Variants in SENP7 observed in about 807,000 individuals in gnomAD.
SENP7 encodes sentrin-specific protease 7.
Under a neutral mutation model 141.2 loss-of-function variants are expected in SENP7, and 64 were observed. The ratio of observed to expected loss-of-function variants is 0.45; its 90% CI spans 0.37 to 0.56. The LOEUF is 0.56. Ranked by LOEUF, SENP7 falls within the 20% of genes least tolerant of loss-of-function variation. The pLI, the probability that SENP7 is intolerant of heterozygous loss-of-function variation, is 0.00. For synonymous variants in SENP7, 382 were observed against 426.4 expected (o/e 0.90, Z 1.28); for missense variants, 1,025 against 1,212.2 (o/e 0.85, Z 2.29).
intron 4 of SENP7, among the ~76,000 whole-genome samples, chr3:101,433,132 T>C (rs1553728421): frequency 1.3e-5 from 2 of 152,114 alleles, no homozygotes; most frequent in Non-Finnish European, 2.9e-5. Context: ...AGTTAAGGCA[T>C]AGAGTTTTTA....
chr3:101,431,169 G>A (rs1394717571), intron 4 of SENP7, among the ~76,000 whole-genome samples: 1 of 152,206 alleles, frequency 6.6e-6, no homozygotes, highest in African/African-American at 2.4e-5. Flanking sequence ...GATTTGGGGT[G>A]AAGAGTTCTT....
chr3:101,474,257 A>G (rs1307810787), intron 3 of SENP7, among the ~76,000 whole-genome samples: 1 of 152,244 alleles, frequency 6.6e-6, no homozygotes, highest in African/African-American at 2.4e-5. Flanking sequence ...TAAGAATAGC[A>G]TTAAATCTAT....
chr3:101,489,168 C>T (rs1163571243), intron 3 of SENP7, among the ~76,000 whole-genome samples: 1 of 152,094 alleles, frequency 6.6e-6, no homozygotes, highest in Admixed American at 6.5e-5. Flanking sequence ...TAAGGGAGTA[C>T]TAAACATGGA....
intron 8 of SENP7, among the ~76,000 whole-genome samples, 156 bp from the exon 9 acceptor site, chr3:101,366,925 T>G (rs924127406): frequency 3.9e-5 from 6 of 152,146 alleles, no homozygotes; most frequent in Non-Finnish European, 7.4e-5. Flanking sequence ...TGCCAATGTC[T>G]CCCAAATTTA....
At chr3:101,471,496 T>C (rs1191033092) in intron 3 of SENP7, among the ~76,000 whole-genome samples, 1 of 152,136 alleles carries the variant, frequency 6.6e-6, no homozygotes, top group East Asian at 1.9e-4. Flanking sequence ...TATACAAAAA[T>C]TAATTCAAGA....
At chr3:101,417,901 T>C in intron 4 of SENP7, 111 bp from the exon 5 acceptor site, 1 of 811,204 alleles carries the variant, frequency 1.2e-6, no homozygotes, top group South Asian at 1.8e-5. Context: ...CTCAAGCAAC[T>C]ATAGTAAATA....
chr3:101,375,498 T>A (rs1377970122), intron 6 of SENP7, among the ~76,000 whole-genome samples: 2 of 124,116 alleles, frequency 1.6e-5, no homozygotes, highest in Non-Finnish European at 3.1e-5. Context: ...GCCAAGATCA[T>A]GCCATTGCAC....
At chr3:101,479,439 A>G (rs558306755) in intron 3 of SENP7, among the ~76,000 whole-genome samples, 1 of 152,058 alleles carries the variant, frequency 6.6e-6, no homozygotes, top group African/African-American at 2.4e-5. Flanking sequence ...TCTGCAAAAC[A>G]ATTTTAAACA....
At chr3:101,468,805 G>A (rs570963569) in intron 3 of SENP7, among the ~76,000 whole-genome samples, 14 of 152,104 alleles carry the variant, frequency 9.2e-5, no homozygotes, top group African/African-American at 2.2e-4. Flanking sequence ...ATAAATTAAC[G>A]GGCAAAATAA....
At chr3:101,353,104 A>G (rs1202276426) in intron 11 of SENP7, among the ~76,000 whole-genome samples, 1 of 152,030 alleles carries the variant, frequency 6.6e-6, no homozygotes, top group Non-Finnish European at 1.5e-5. Flanking sequence ...AGAATGTTAC[A>G]TAATTTAATC....
intron 5 of SENP7, among the ~76,000 whole-genome samples, chr3:101,402,274 T>C (rs2061166839): frequency 6.6e-6 from 1 of 152,140 alleles, no homozygotes; most frequent in South Asian, 2.1e-4. Flanking sequence ...GCTGGTGTCT[T>C]ATCTGTGAAG....
chr3:101,454,822 G>T (rs913180175), intron 4 of SENP7, among the ~76,000 whole-genome samples: 3 of 152,174 alleles, frequency 2.0e-5, no homozygotes, highest in South Asian at 2.1e-4. Flanking sequence ...GTAGGTTAGT[G>T]GTTGCTTACA....
At chr3:101,387,021 G>A in intron 6 of SENP7, among the ~76,000 whole-genome samples, 1 of 152,202 alleles carries the variant, frequency 6.6e-6, no homozygotes, top group East Asian at 1.9e-4. Flanking sequence ...AACAACTGCT[G>A]CTGCTGGCAC....
intron 11 of SENP7, among the ~76,000 whole-genome samples, chr3:101,361,514 A>C (rs1461690396): frequency 6.6e-6 from 1 of 152,152 alleles, no homozygotes; most frequent in Non-Finnish European, 1.5e-5. Context: ...TCATTAGAGT[A>C]GTCAGATTAG....
intron 3 of SENP7, among the ~76,000 whole-genome samples, chr3:101,487,717 A>T (rs1007702528): frequency 3.9e-5 from 6 of 152,162 alleles, no homozygotes; most frequent in African/African-American, 1.2e-4. Context: ...TTGAATAGGG[A>T]ATCCTTTCCC....
chr3:101,428,044 G>A (rs1343327140), intron 4 of SENP7, among the ~76,000 whole-genome samples: 3 of 152,158 alleles, frequency 2.0e-5, no homozygotes, highest in African/African-American at 7.2e-5. Flanking sequence ...TTTTATGGCT[G>A]CATAGTATTC....
chr3:101,336,855 A>G (rs1291061959), intron 17 of SENP7, among the ~76,000 whole-genome samples: 1 of 152,212 alleles, frequency 6.6e-6, no homozygotes, highest in African/African-American at 2.4e-5. Context: ...CTTGGGCAAA[A>G]ATCAGCTAAA....
chr3:101,414,697 A>G, intron 5 of SENP7: 1 of 981,510 alleles, frequency 1.0e-6, no homozygotes, highest in Non-Finnish European at 1.5e-6. Context: ...GCATTTGGGA[A>G]CTTTAGTATT....
intron 1 of SENP7, among the ~76,000 whole-genome samples, chr3:101,506,084 G>A (rs1042841217): frequency 4.8e-5 from 7 of 146,410 alleles, no homozygotes; most frequent in South Asian, 2.1e-4. Context: ...GCAGTGGCAC[G>A]ATCTCGGCTC....
Sources: allele counts gnomAD v4.1 joint callset (sites outside exome capture counted in the v4.1 genomes callset), GRCh38; gene constraint gnomAD v4.1.1; transcripts MANE v1.5; gene names NCBI Gene and HGNC (gene_info 2026-07-23, HGNC 2026-07-21).